Variants in NAALADL2 observed in about 807,000 individuals in gnomAD.
The protein encoded by NAALADL2 is inactive N-acetylated-alpha-linked acidic dipeptidase-like protein 2.
A neutral mutation model predicts 87.2 loss-of-function variants in NAALADL2; 76 were observed. The observed-to-expected ratio is 0.87, with a 90% CI of 0.72 to 1.05. NAALADL2 has a LOEUF of 1.05. Among genes scored for constraint, NAALADL2 ranks in the 50% least tolerant of loss-of-function variants. NAALADL2 has a pLI of 0.00. For synonymous variants in NAALADL2, 354 were observed against 331.0 expected (o/e 1.07, Z -0.75); for missense variants, 1,089 against 945.8 (o/e 1.15, Z -1.99).
At chr3:175,731,005 T>C (rs1743670913) in intron 11 of NAALADL2, among the ~76,000 whole-genome samples, 1 of 152,162 alleles carries the variant, frequency 6.6e-6, no homozygotes, top group Admixed American at 6.6e-5. Context: ...AACATAGGTT[T>C]TTGTATTTTT....
At chr3:174,900,819 G>A (rs1372076912) in intron 1 of NAALADL2, among the ~76,000 whole-genome samples, 4 of 151,584 alleles carry the variant, frequency 2.6e-5, no homozygotes, top group Admixed American at 2.6e-4. Context: ...CTTTTTAAAA[G>A]CAGAAAAATG....
rs2109484922 is a variant in NAALADL2, at chr3:175,233,854, A to G, written c.546-77A>G. On this transcript the variant is annotated intron_variant, in intron 2 of 13. Transcript: ENST00000454872. ...TCCACAACATCTATTAATATTGTTC[A>G]TATATTGAGCAGTCATATCTCAAAA... The G allele has an allele frequency of 1.3e-5, 10 of 759,104 alleles. 1 individual carries two copies. In the South Asian group the frequency reaches 1.9e-4, roughly 14 times the overall value. The allele number at this position is 759,104 out of a possible 1,614,324, so 47.0% of individuals were successfully genotyped here.
At chr3:174,920,198 G>C (rs151330667) in intron 1 of NAALADL2, among the ~76,000 whole-genome samples, 34 of 152,310 alleles carry the variant, frequency 2.2e-4, no homozygotes, top group Admixed American at 7.2e-4. Flanking sequence ...AGAAGAGTCA[G>C]ACTGTCTCTT....
At chr3:175,162,824 C>G (rs1733433749) in intron 2 of NAALADL2, among the ~76,000 whole-genome samples, 1 of 152,010 alleles carries the variant, frequency 6.6e-6, no homozygotes, top group South Asian at 2.1e-4. Flanking sequence ...TTTAGGCAAA[C>G]TGAGATACCT....
intron 9 of NAALADL2, among the ~76,000 whole-genome samples, chr3:175,483,326 C>CTT (rs563162771): frequency 2.4e-3 from 315 of 131,536 alleles, no homozygotes; most frequent in African/African-American, 7.8e-3. Flanking sequence ...TACTTTTTGG[C>CTT]TTTTTTTTTT....
intron 1 of NAALADL2, among the ~76,000 whole-genome samples, chr3:174,472,235 C>T (rs992072483): frequency 6.6e-6 from 1 of 152,178 alleles, no homozygotes; most frequent in Non-Finnish European, 1.5e-5. Flanking sequence ...TGGCTCTTAG[C>T]TATGTTTACT....
At chr3:175,341,909 C>G (rs1041074028) in intron 5 of NAALADL2, among the ~76,000 whole-genome samples, 1 of 152,022 alleles carries the variant, frequency 6.6e-6, no homozygotes, top group Non-Finnish European at 1.5e-5. Flanking sequence ...TGTCTCAGTA[C>G]TGTTTGTTGA....
intron 10 of NAALADL2, among the ~76,000 whole-genome samples, chr3:175,576,551 A>C (rs138834276): frequency 6.6e-6 from 1 of 152,130 alleles, no homozygotes; most frequent in East Asian, 1.9e-4. Flanking sequence ...AGGAAAATGC[A>C]CTTCATGGTC....
chr3:174,760,077 C>T (rs571871341), intron 3 of NAALADL2, among the ~76,000 whole-genome samples: 1 of 152,134 alleles, frequency 6.6e-6, no homozygotes, highest in Non-Finnish European at 1.5e-5. Context: ...TTCCAGTCTC[C>T]TGTAAAGTAG....
At chr3:175,097,457 A>T (rs929420368) in intron 2 of NAALADL2, among the ~76,000 whole-genome samples, 166 bp downstream of exon 2, 1 of 152,116 alleles carries the variant, frequency 6.6e-6, no homozygotes, top group African/African-American at 2.4e-5. Context: ...GCACATTTTC[A>T]GATTTATGGT....
chr3:174,787,621 A>ATATATATATATATATAT (rs1578931205), intron 3 of NAALADL2, among the ~76,000 whole-genome samples: 4 of 109,244 alleles, frequency 3.7e-5, no homozygotes, highest in African/African-American at 6.3e-5. Flanking sequence ...ATATATATAT[A>ATATATATATATATATAT]GTAGTGACTC....
intron 1 of NAALADL2, among the ~76,000 whole-genome samples, chr3:174,985,463 G>A (rs1016409640): frequency 6.6e-6 from 1 of 152,106 alleles, no homozygotes; most frequent in South Asian, 2.1e-4. Context: ...AACTGTGACT[G>A]TTAAATGGGC....
At chr3:175,738,797 G>A (rs978528685) in intron 12 of NAALADL2, among the ~76,000 whole-genome samples, 1 of 151,842 alleles carries the variant, frequency 6.6e-6, no homozygotes, top group African/African-American at 2.4e-5. Context: ...TCTTACTGTT[G>A]TCAGTGTGTC....
intron 12 of NAALADL2, among the ~76,000 whole-genome samples, chr3:175,753,662 T>C (rs944819969): frequency 6.6e-6 from 1 of 152,188 alleles, no homozygotes; most frequent in African/African-American, 2.4e-5. Flanking sequence ...CTGAGTAGCA[T>C]ATTGAAATGA....
At chr3:174,582,983 G>A (rs1578225507) in intron 2 of NAALADL2, among the ~76,000 whole-genome samples, 2 of 152,158 alleles carry the variant, frequency 1.3e-5, no homozygotes, top group Non-Finnish European at 2.9e-5. Flanking sequence ...CATCTGGCAT[G>A]CAAATGTAAT....
chr3:175,255,978 A>G (rs971051914), intron 3 of NAALADL2, among the ~76,000 whole-genome samples: 18 of 152,354 alleles, frequency 1.2e-4, no homozygotes, highest in African/African-American at 3.4e-4. Context: ...GCAAGTGAGG[A>G]CATTGCACTT....
Position 175,355,022 on chromosome 3 carries a change from ATG to A in NAALADL2, c.1090+30733_1090+30734del, listed in dbSNP as rs3067322. ...TTATATATATAATTGCTATATATAT[ATG>A]TGTGTGTGTGTGTGTGTGTGTGTGT... On this transcript the variant is annotated intron_variant, in intron 5 of 13. Coordinates refer to ENST00000454872, the MANE Select transcript of NAALADL2 (RefSeq NM_207015.3). Among the ~76,000 whole-genome samples the A allele has an allele frequency of 8.5e-3, 1,190 of 139,416 alleles. 7 individuals are homozygous for A. The highest frequency in any genetic ancestry group is 0.026 in the Middle Eastern group (7 of 274). The allele number at this position is 139,416 out of a possible 152,430, so 91.5% of individuals were successfully genotyped here. A position where few individuals can be genotyped will look rare whatever the true frequency, so the allele number is the denominator to read the frequency against.
intron 5 of NAALADL2, among the ~76,000 whole-genome samples, chr3:175,366,977 G>T (rs960496583): frequency 6.6e-6 from 1 of 151,482 alleles, no homozygotes; most frequent in Non-Finnish European, 1.5e-5. Context: ...TTCTTCTAGG[G>T]TTTTTATGGT....
intron 10 of NAALADL2, among the ~76,000 whole-genome samples, chr3:175,607,911 ACG>A (rs1553931890): frequency 1.1e-4 from 3 of 28,382 alleles, no homozygotes; most frequent in Non-Finnish European, 1.7e-4. Flanking sequence ...ACACACACAC[ACG>A]CACACACACG....
Sources: gnomAD v4.1 joint callset for allele counts (sites outside exome capture counted in the v4.1 genomes callset) on GRCh38, gnomAD v4.1.1 for gene constraint, MANE v1.5 for transcripts, NCBI Gene and HGNC (gene_info 2026-07-23, HGNC 2026-07-21) for gene names.